Variants in PRDM15 observed in about 807,000 individuals in gnomAD.
The protein encoded by PRDM15 is PR domain zinc finger protein 15.
Under a neutral mutation model 128.6 loss-of-function variants are expected in PRDM15, and 64 were observed. The ratio of observed to expected loss-of-function variants is 0.50; its 90% CI spans 0.41 to 0.61. The LOEUF (loss-of-function observed/expected upper bound fraction) is 0.61, where lower values mean the gene tolerates loss of function less well. PRDM15 is among the 20% of genes least tolerant of loss of function. PRDM15 has a pLI of 0.00. For missense variants in PRDM15, 1,242 were observed against 1,569.1 expected, an observed-to-expected ratio of 0.79 and a Z score of 3.52; for synonymous variants, 615 against 621.8, an observed-to-expected ratio of 0.99 and a Z score of 0.16.
chr21:41,854,848 G>A lies in PRDM15; in HGVS notation c.286-30C>T, dbSNP rs186080305. On this transcript the variant is annotated intron_variant, in intron 4 of 23. Transcript: ENST00000398548. The surrounding 1 kb of genome is among the most constrained non-coding windows in gnomAD (Gnocchi z 4.6). ...AGGTGAGTCGGCCCATGGAGAAGCCGGGGAAATGGCTGATTACCCATCTGT... is the reference window on the plus strand; with the variant it reads ...AGGTGAGTCGGCCCATGGAGAAGCCAGGGAAATGGCTGATTACCCATCTGT... 217 of 1,578,446 alleles carry A rather than the reference G, an allele frequency of 1.4e-4. No individual in the cohort carries two copies. Among genetic ancestry groups the A allele is most frequent in the African/African-American group, 1.1e-3 (79 of 74,596 alleles).
intron 1 of PRDM15, chr21:41,874,997 G>A (rs1441989700): frequency 6.6e-6 from 1 of 152,570 alleles, no homozygotes; most frequent in Non-Finnish European, 1.5e-5. Context: ...CAGCACTTTG[G>A]GGGGCCAAGA....
intron 22 of PRDM15, among the ~76,000 whole-genome samples, chr21:41,804,017 C>T (rs910098089): frequency 4.1e-5 from 6 of 144,754 alleles, no homozygotes; most frequent in African/African-American, 7.8e-5. Context: ...TGGGCTGGAG[C>T]GCAGTGGCAC....
rs541389090 is a variant in PRDM15, at chr21:41,835,471, G to A, written c.1332C>T (p.Ile444=). ...AGTTGTGGAACTCCAGCGCGCTCTC[G>A]ATGCGGAAGGTCTTCTCACAAGTGC... ...RCGTCEKTFR[I]ESALEFHNCR... is the part of the protein sequence containing the mutation. The change falls in exon 11 of 24, where the codon ATC becomes ATT. Residue 444 remains isoleucine, a synonymous_variant. Coordinates refer to ENST00000398548, the MANE Select transcript of PRDM15 (RefSeq NM_001040424.3). The A allele has an allele frequency of 5.0e-6, 8 of 1,610,344 alleles. No individual in the cohort carries two copies. The highest frequency in any genetic ancestry group is 4.5e-5 in the East Asian group (2 of 44,874).
At chr21:41,840,306 T>C (rs1253551262) in intron 6 of PRDM15, among the ~76,000 whole-genome samples, 1 of 151,234 alleles carries the variant, frequency 6.6e-6, no homozygotes, top group East Asian at 1.9e-4. Flanking sequence ...GTTAGCCGGG[T>C]GTGGTGGTGT....
intron 5 of PRDM15, among the ~76,000 whole-genome samples, chr21:41,849,780 T>A (rs1018076366): frequency 2.0e-5 from 3 of 151,486 alleles, no homozygotes; most frequent in Non-Finnish European, 4.4e-5. Flanking sequence ...CTACTAAAAA[T>A]AAAAAAATTA....
At chr21:41,835,726 A>T (rs1568953383) in intron 10 of PRDM15, among the ~76,000 whole-genome samples, 1 of 152,078 alleles carries the variant, frequency 6.6e-6, no homozygotes, top group East Asian at 1.9e-4. Context: ...ACACTCAGGG[A>T]GCCCCACTCC....
chr21:41,806,029 A>C (rs2061567587), intron 21 of PRDM15, among the ~76,000 whole-genome samples: 1 of 142,514 alleles, frequency 7.0e-6, no homozygotes, highest in Non-Finnish European at 1.6e-5. Flanking sequence ...CACCACCACC[A>C]CCATCACCAC....
intron 14 of PRDM15, 77 bp downstream of exon 14, chr21:41,823,241 T>C (rs1325916687): frequency 6.4e-7 from 1 of 1,559,158 alleles, no homozygotes; most frequent in Non-Finnish European, 8.7e-7. Context: ...AGAACTCTGC[T>C]ATGGCTGACT....
At chr21:41,847,045 G>T in intron 6 of PRDM15, 45 bp downstream of exon 6, 2 of 1,294,078 alleles carry the variant, frequency 1.5e-6, no homozygotes, top group Non-Finnish European at 2.2e-6. Context: ...GAGAGAAATC[G>T]ACACAGGAGT....
rs747465061 is a variant in PRDM15, at chr21:41,854,713, G to C, written c.391C>G (p.Leu131Val). The C allele has an allele frequency of 6.2e-7, 1 of 1,613,412 alleles. No individual in the cohort carries two copies. The highest frequency in any genetic ancestry group is 1.1e-5 in the South Asian group (1 of 91,088). Residue 131 changes from leucine (L) to valine (V), a missense_variant, in exon 5 of 24, where the codon CTG becomes GTG. Around this residue, in one of 3 missense-constraint regions of PRDM15, gnomAD observed 612 missense variants for 717.0 expected, o/e 0.85. Transcript: ENST00000398548. This position sits in a 1 kb window ranked among gnomAD's most constrained non-coding sequence, Gnocchi z 4.6. ...RPAAEAEHQN[L>V]TAYQHGSDVY... ...TCGCTGCCGTGCTGGTAGGCCGTCAGGTTCTGGTGCTCGGCCTCCGCCGCT... is the reference window on the plus strand; with the variant it reads ...TCGCTGCCGTGCTGGTAGGCCGTCACGTTCTGGTGCTCGGCCTCCGCCGCT...
At position 41,811,977 on chromosome 21, in the gene PRDM15, T is replaced by A. The variant is rs1450633410; in HGVS notation, c.2393-1141A>T. The stretch of plus-strand genomic sequence containing the variant: ...GTGAGCCACTGCGACCGGCCTTGAC[T>A]TTTTAAAATATTTGATAAGTACTCA... On this transcript the variant is annotated intron_variant, in intron 19 of 23. Transcript: ENST00000398548. This position sits in a 1 kb window ranked among gnomAD's most constrained non-coding sequence, Gnocchi z 4.1. The A allele has an allele frequency of 6.6e-6, 1 of 152,262 alleles. No individual in the cohort carries two copies. The highest frequency in any genetic ancestry group is 1.5e-5 in the Non-Finnish European group (1 of 68,080). 9.4% of individuals were successfully genotyped at this position (152,262 alleles called of 1,614,324 possible).
In PRDM15 at chr21:41,823,333, G is replaced by A. The variant is rs767514059; in HGVS notation, c.1746C>T (p.Ile582=). 1 of 1,608,322 alleles carries A rather than the reference G, an allele frequency of 6.2e-7. No individual in the cohort carries two copies. Among genetic ancestry groups the A allele is most frequent in the South Asian group, 1.1e-5 (1 of 89,684 alleles). Residue 582 remains isoleucine (I), a synonymous_variant, in exon 14 of 24, where the codon ATC becomes ATT. Transcript: ENST00000398548. ...CGATCGACACCTTGAAGTGGACATG[G>A]ATGTGGTCCCTGAGCACATCCACGC... ...FFRVDVLRDH[I]HVHFKDIALM...
In PRDM15 at chr21:41,875,396, G is replaced by A. The variant is rs372848087; in HGVS notation, c.-10+3874C>T. On this transcript the variant is annotated intron_variant, in intron 1 of 23. Coordinates refer to ENST00000398548, the MANE Select transcript of PRDM15 (RefSeq NM_001040424.3). ...CAGCCAGGCTCTTTGAGTTTTGCCAGTATCCCCATGAAAATATTTCCTAAA... is the reference window on the plus strand; with the variant it reads ...CAGCCAGGCTCTTTGAGTTTTGCCAATATCCCCATGAAAATATTTCCTAAA... Among the ~76,000 whole-genome samples the A allele has an allele frequency of 7.9e-5, 12 of 152,352 alleles. No individual in the cohort carries two copies. In the East Asian group the frequency reaches 1.3e-3, roughly 17 times the overall value.
In PRDM15 at chr21:41,822,164, G is replaced by A. The variant is rs577019461; in HGVS notation, c.1762-127C>T. The A allele has an allele frequency of 4.9e-5, 62 of 1,275,994 alleles. No homozygotes were observed. In the East Asian group the frequency reaches 6.7e-4, roughly 14 times the overall value. The allele number at this position is 1,275,994 out of a possible 1,614,324, so 79.0% of individuals were successfully genotyped here. On this transcript the variant is annotated intron_variant, in intron 14 of 23. Transcript: ENST00000398548. ...AAAATGCCTCTCTGATGCCCGTGGC[G>A]CCCTAACGAGCTACACTTGTGCCCT... is the stretch of plus-strand genomic sequence containing the variant.
chr21:41,820,075 A>G lies in PRDM15; in HGVS notation c.2140+20T>C, dbSNP rs779966896. On this transcript the variant is annotated intron_variant, in intron 17 of 23. Transcript: ENST00000398548. The stretch of plus-strand genomic sequence containing the variant: ...CCCCTCCAGCGAGGGCCGGGACCCC[A>G]AATGCTGACAGACACGCACCTGTGT... The G allele has an allele frequency of 6.2e-7, 1 of 1,611,364 alleles. No homozygotes were observed. The highest frequency in any genetic ancestry group is 8.5e-7 in the Non-Finnish European group (1 of 1,177,886).
At position 41,798,672 on chromosome 21, in the gene PRDM15, A is replaced by C. The variant is rs1449276789; in HGVS notation, c.*2568T>G. On this transcript the variant is annotated 3_prime_UTR_variant, in exon 24 of 24. Coordinates refer to ENST00000398548, the MANE Select transcript of PRDM15 (RefSeq NM_001040424.3). Reference sequence around the variant, plus strand: ...CGGGTCCAAAACGAATTCTCCACTGAGATGGGTCCACAGAGCCTGGTGGCC... The same window carrying C: ...CGGGTCCAAAACGAATTCTCCACTGCGATGGGTCCACAGAGCCTGGTGGCC... 3 of 152,230 alleles carry C rather than the reference A, an allele frequency of 2.0e-5. No homozygotes were observed. The highest frequency in any genetic ancestry group is 2.9e-5 in the Non-Finnish European group (2 of 68,050). 9.4% of individuals were successfully genotyped at this position (152,230 alleles called of 1,614,324 possible). A position where few individuals can be genotyped will look rare whatever the true frequency, so the allele number is the denominator to read the frequency against.
intron 18 of PRDM15, among the ~76,000 whole-genome samples, chr21:41,817,968 C>T (rs2062109346): frequency 1.3e-5 from 2 of 152,228 alleles, no homozygotes. Flanking sequence ...ACCCCACACC[C>T]CTTGCCTCCC....
rs779695888 is a variant in PRDM15, at chr21:41,862,917, C to T, written c.-9-2545G>A. ...CAGGCGTGTGGCTCACGTCTGTAATCCCAGCACTTTCAGAGATGAGGACGG... is the reference window on the plus strand; with the variant it reads ...CAGGCGTGTGGCTCACGTCTGTAATTCCAGCACTTTCAGAGATGAGGACGG... On this transcript the variant is annotated intron_variant, in intron 1 of 23. Transcript: ENST00000398548. This position sits in a 1 kb window ranked among gnomAD's most constrained non-coding sequence, Gnocchi z 4.1. Among the ~76,000 whole-genome samples, 18 of 152,090 alleles carry T rather than the reference C, an allele frequency of 1.2e-4. No individual in the cohort carries two copies. Among genetic ancestry groups the T allele is most frequent in the Non-Finnish European group, 2.4e-4 (16 of 68,022 alleles).
intron 22 of PRDM15, 60 bp from the exon 23 acceptor site, chr21:41,802,981 A>G: frequency 1.4e-6 from 2 of 1,401,494 alleles, no homozygotes; most frequent in Non-Finnish European, 2.0e-6. Flanking sequence ...GGCAGCGGCC[A>G]GGGCAGCCCC....
Sources: gnomAD v4.1 joint callset for allele counts (sites outside exome capture counted in the v4.1 genomes callset) on GRCh38, gnomAD v4.1.1 for gene constraint, gnomAD v4.1.1 regional missense constraint, Gnocchi (gnomAD v3.1) non-coding constraint, MANE v1.5 for transcripts, NCBI Gene and HGNC (gene_info 2026-07-23, HGNC 2026-07-21) for gene names.